Variants in ADAMTS20 observed in about 807,000 individuals in gnomAD.
ADAMTS20 encodes A disintegrin and metalloproteinase with thrombospondin motifs 20.
Under a neutral mutation model 260.1 loss-of-function variants are expected in ADAMTS20, and 225 were observed. The observed-to-expected ratio is 0.87, with a 90% CI of 0.78 to 0.97. The LOEUF is 0.97. ADAMTS20 is among the 50% of genes least tolerant of loss of function. ADAMTS20 has a pLI of 0.00. For synonymous variants in ADAMTS20, 802 were observed against 769.5 expected, an observed-to-expected ratio of 1.04 and a Z score of -0.70; for missense variants, 2,400 against 2,337.7, an observed-to-expected ratio of 1.03 and a Z score of -0.55.
intron 4 of ADAMTS20, among the ~76,000 whole-genome samples, chr12:43,496,688 A>C (rs981262836): frequency 2.6e-5 from 4 of 152,148 alleles, no homozygotes; most frequent in Non-Finnish European, 5.9e-5. Flanking sequence ...CTTGGGTCAC[A>C]ATGTCCTTGC....
intron 3 of ADAMTS20, among the ~76,000 whole-genome samples, chr12:43,529,672 G>A (rs954307117): frequency 6.6e-6 from 1 of 151,988 alleles, no homozygotes; most frequent in Non-Finnish European, 1.5e-5. Context: ...GTAGGAGGGG[G>A]GTGCGGAATA....
In ADAMTS20 at chr12:43,485,839, T is replaced by C. The variant is rs149509578; in HGVS notation, c.1117+4556A>G. Among the ~76,000 whole-genome samples, 3 of 151,744 alleles carry C rather than the reference T, an allele frequency of 2.0e-5. 1 individual carries two copies. Among genetic ancestry groups the C allele is most frequent in the Admixed American group, 2.0e-4 (3 of 15,240 alleles). On this transcript the variant is annotated intron_variant, in intron 7 of 38. Transcript: ENST00000389420. ...TTTACAACAGCTGCAAAAAATAAAATAAAATACCTAGGAATACACTTAACC... is the reference window on the plus strand; with the variant it reads ...TTTACAACAGCTGCAAAAAATAAAACAAAATACCTAGGAATACACTTAACC...
chr12:43,448,810 T>C (rs1941809272), intron 14 of ADAMTS20, among the ~76,000 whole-genome samples: 1 of 151,924 alleles, frequency 6.6e-6, no homozygotes, highest in South Asian at 2.1e-4. Context: ...AACAATCCCA[T>C]TAAAAAGTGA....
intron 4 of ADAMTS20, among the ~76,000 whole-genome samples, chr12:43,495,348 C>T (rs958015653): frequency 2.6e-5 from 4 of 152,032 alleles, no homozygotes; most frequent in Non-Finnish European, 5.9e-5. Flanking sequence ...ACACAGGTTC[C>T]AATTCTAAGA....
At chr12:43,390,849 C>T (rs899095206) in intron 29 of ADAMTS20, among the ~76,000 whole-genome samples, 2 of 152,162 alleles carry the variant, frequency 1.3e-5, no homozygotes, top group African/African-American at 4.8e-5. Flanking sequence ...CCATTCGTGG[C>T]ACTATAGGCT....
chr12:43,436,966 C>T (rs773810721), intron 18 of ADAMTS20, among the ~76,000 whole-genome samples: 1 of 152,140 alleles, frequency 6.6e-6, no homozygotes, highest in Non-Finnish European at 1.5e-5. Flanking sequence ...TATAATGAAA[C>T]TTCTAGTTAA....
chr12:43,405,396 C>T (rs1343710086), intron 28 of ADAMTS20, among the ~76,000 whole-genome samples: 1 of 144,736 alleles, frequency 6.9e-6, no homozygotes, highest in Admixed American at 7.0e-5. Context: ...GCAGCCTGGG[C>T]AACAGAAGAA....
chr12:43,417,711 C>A (rs979915576), intron 28 of ADAMTS20, among the ~76,000 whole-genome samples: 1 of 152,090 alleles, frequency 6.6e-6, no homozygotes, highest in African/African-American at 2.4e-5. Flanking sequence ...CACTGGAGTG[C>A]CCAAAACATT....
At chr12:43,393,779 C>G (rs1175219512) in intron 29 of ADAMTS20, among the ~76,000 whole-genome samples, 1 of 151,908 alleles carries the variant, frequency 6.6e-6, no homozygotes, top group East Asian at 1.9e-4. Flanking sequence ...GTTAAAGAGA[C>G]TCTAGGAATA....
chr12:43,430,384 A>G lies in ADAMTS20; in HGVS notation c.3349T>C (p.Cys1117Arg), dbSNP rs756304204. The G allele has an allele frequency of 6.2e-7, 1 of 1,612,638 alleles. No individual in the cohort carries two copies. The highest frequency in any genetic ancestry group is 8.5e-7 in the Non-Finnish European group (1 of 1,179,076). ...TCACTGGGGCGACTAGCTTCATGGC[A>G]TTCTGTGTCCTCTAACACTGCACTA... Reference protein sequence around the residue: ...LASAVLEDTECHEASRPSDRQ... With the variant: ...LASAVLEDTERHEASRPSDRQ... The change falls in exon 23 of 39, where the codon TGC (cysteine) becomes CGC (arginine). Residue 1117 changes from cysteine (C) to arginine (R), a missense_variant. Transcript: ENST00000389420.
intron 3 of ADAMTS20, among the ~76,000 whole-genome samples, chr12:43,525,805 A>T (rs1943133817): frequency 6.6e-6 from 1 of 152,206 alleles, no homozygotes; most frequent in African/African-American, 2.4e-5. Flanking sequence ...TAATGATAAA[A>T]GGATCAATCT....
At chr12:43,410,477 A>G (rs907008576) in intron 28 of ADAMTS20, among the ~76,000 whole-genome samples, 3 of 152,246 alleles carry the variant, frequency 2.0e-5, no homozygotes, top group Non-Finnish European at 4.4e-5. Context: ...AGAAAGGAGC[A>G]ACATTTCAAA....
At chr12:43,447,454 A>G (rs955967005) in intron 14 of ADAMTS20, among the ~76,000 whole-genome samples, 2 of 152,216 alleles carry the variant, frequency 1.3e-5, no homozygotes, top group Non-Finnish European at 2.9e-5. Flanking sequence ...CCTTCATGTT[A>G]AGAGCTCTTC....
chr12:43,436,197 G>A (rs954443665), intron 18 of ADAMTS20, among the ~76,000 whole-genome samples: 11 of 152,290 alleles, frequency 7.2e-5, no homozygotes, highest in Admixed American at 3.9e-4. Context: ...AAGTGGGAAA[G>A]TAAATAAGCA....
chr12:43,502,365 G>A lies in ADAMTS20; in HGVS notation c.654C>T (p.Tyr218=). The change falls in exon 4 of 39, where the codon TAC becomes TAT. Residue 218 remains tyrosine (Y), a synonymous_variant. Transcript: ENST00000389420. The stretch of plus-strand genomic sequence containing the variant: ...CATTAAGATCTTCATTCATGTTGCT[G>A]TAGGTATGAAAGGGTAAACTGGTTT... The part of the protein sequence containing the change: ...IKETSLPFHT[Y]SNMNEDLNVM... 1.2e-6 allele frequency: 2 copies of A among 1,606,986 alleles called. No individual in the cohort carries two copies. The highest frequency in any genetic ancestry group is 1.7e-5 in the Admixed American group (1 of 58,224).
At chr12:43,384,105 A>G (rs916006005) in intron 29 of ADAMTS20, 128 bp from the exon 30 acceptor site, 1 of 870,510 alleles carries the variant, frequency 1.1e-6, no homozygotes, top group East Asian at 2.8e-5. Context: ...AATTAGATAA[A>G]AAATACATAC....
chr12:43,470,949 G>A (rs765323157), intron 7 of ADAMTS20, among the ~76,000 whole-genome samples: 26 of 152,196 alleles, frequency 1.7e-4, no homozygotes, highest in Non-Finnish European at 3.1e-4. Context: ...TATCTCATAG[G>A]AAGCATTCAA....
At chr12:43,452,800 C>T in intron 12 of ADAMTS20, 105 bp from the exon 13 acceptor site, 1 of 1,012,584 alleles carries the variant, frequency 9.9e-7, no homozygotes, top group Non-Finnish European at 1.4e-6. Context: ...CCAGTGAAGT[C>T]CCACTAACAC....
Position 43,515,895 on chromosome 12 carries a change from A to C in ADAMTS20, c.614-13490T>G, listed in dbSNP as rs532038799. ...ATTTTATTTTATGCTACATCCCAGA[A>C]TTTAATAATTCACCATTTTTCAAAT... On this transcript the variant is annotated intron_variant, in intron 3 of 38. Transcript: ENST00000389420. Among the ~76,000 whole-genome samples, 15 of 152,326 alleles carry C rather than the reference A, an allele frequency of 9.8e-5. No individual in the cohort carries two copies. In the East Asian group the frequency reaches 2.9e-3, roughly 29 times the overall value.
Sources: gnomAD v4.1 joint callset for allele counts (sites outside exome capture counted in the v4.1 genomes callset) on GRCh38, gnomAD v4.1.1 for gene constraint, MANE v1.5 for transcripts, NCBI Gene and HGNC (gene_info 2026-07-23, HGNC 2026-07-21) for gene names.